Variants in NPIPB11 observed in about 807,000 individuals in gnomAD.
NPIPB11 encodes the protein nuclear pore complex interacting protein family member B11.
A neutral mutation model predicts 32.8 loss-of-function variants in NPIPB11; 17 were observed. The ratio of observed to expected loss-of-function variants is 0.52; its 90% CI spans 0.35 to 0.78. The LOEUF is 0.78. Among genes scored for constraint, NPIPB11 ranks in the 30% least tolerant of loss-of-function variants. The pLI, the probability that NPIPB11 is intolerant of heterozygous loss-of-function variation, is 0.01. For synonymous variants in NPIPB11, 209 were observed against 398.4 expected (o/e 0.52, Z 5.66); for missense variants, 537 against 1,000.4 (o/e 0.54, Z 6.25).
exon 8 of NPIPB11, chr16:29,382,211 G>C (rs1322437327): frequency 6.4e-7 from 1 of 1,551,008 alleles, no homozygotes; most frequent in Non-Finnish European, 8.6e-7. Context: ...AGGGTGGAAG[G>C]GGAGTGAGCT....
At chr16:29,405,637 C>G (rs940875241), upstream of NPIPB11, among the ~76,000 whole-genome samples, 1 of 152,120 alleles carries the variant, frequency 6.6e-6, no homozygotes, top group African/African-American at 2.4e-5. Context: ...GACCTTGCAT[C>G]CAATCAATGC....
chr16:29,399,081 C>T (rs1206655312), intron 2 of NPIPB11, among the ~76,000 whole-genome samples: 2 of 150,684 alleles, frequency 1.3e-5, no homozygotes, highest in African/African-American at 2.4e-5. Flanking sequence ...ACCCAGAGGG[C>T]TTGGCAGCAT....
chr16:29,405,968 GTAAGTT>G (rs1336598482), upstream of NPIPB11, among the ~76,000 whole-genome samples: 8 of 152,264 alleles, frequency 5.3e-5, no homozygotes, highest in African/African-American at 1.9e-4. Flanking sequence ...TTATATCCAT[GTAAGTT>G]TCTGTATTGC....
intron 2 of NPIPB11, chr16:29,397,501 T>C: frequency 6.9e-7 from 1 of 1,454,726 alleles, no homozygotes; most frequent in Non-Finnish European, 9.2e-7. Flanking sequence ...CTGAGCTGTG[T>C]AATTTCATGC....
intron 3 of NPIPB11, among the ~76,000 whole-genome samples, chr16:29,391,016 C>T (rs1358646187): frequency 6.6e-6 from 1 of 150,964 alleles, no homozygotes; most frequent in Non-Finnish European, 1.5e-5. Context: ...TGCCTGTAAT[C>T]CCAACACTTT....
At chr16:29,405,228 GA>G (rs1290808586), upstream of NPIPB11, among the ~76,000 whole-genome samples, 1 of 151,886 alleles carries the variant, frequency 6.6e-6, no homozygotes, top group Non-Finnish European at 1.5e-5. Flanking sequence ...AAATATGCAA[GA>G]AAAATCGATA....
At chr16:29,394,055 G>A (rs1567273086) in exon 3 of NPIPB11, 2 of 1,598,956 alleles carry the variant, frequency 1.3e-6, no homozygotes, top group Admixed American at 1.7e-5. Flanking sequence ...CGATGATGAT[G>A]GTCAGCCAGA....
chr16:29,382,997 C>T (rs777382221), exon 8 of NPIPB11: 12 of 1,603,236 alleles, frequency 7.5e-6, no homozygotes, highest in East Asian at 6.8e-5. Context: ...AGCTGACGCT[C>T]GGAAGGTGTC....
At chr16:29,391,852 C>G (rs1963730602) in intron 3 of NPIPB11, among the ~76,000 whole-genome samples, 1 of 151,954 alleles carries the variant, frequency 6.6e-6, no homozygotes, top group East Asian at 1.9e-4. Flanking sequence ...TCCCAAGTAG[C>G]TGGGATTACA....
rs1408781847 is a variant in NPIPB11, at chr16:29,397,527, A to T, written c.121-3451T>A. 4 of 1,501,088 alleles carry T rather than the reference A, an allele frequency of 2.7e-6. No homozygotes were observed. The African/African-American group carries it at 5.6e-5, about 21-fold the overall frequency. 93.0% of individuals were successfully genotyped at this position (1,501,088 alleles called of 1,614,324 possible). A position where few individuals can be genotyped will look rare whatever the true frequency, so the allele number is the denominator to read the frequency against. ...AATTTCATGCCGCGTGACACAGCCC[A>T]GTAAAAAGGAAGAAACCCCGAGGGT... On this transcript the variant is annotated intron_variant, in intron 2 of 7. Transcript: ENST00000524087.
At chr16:29,404,817 GTTCC>G (rs1964077547), upstream of NPIPB11, among the ~76,000 whole-genome samples, 2 of 142,296 alleles carry the variant, frequency 1.4e-5, no homozygotes, top group African/African-American at 5.3e-5. Flanking sequence ...GAGGATCATT[GTTCC>G]TTCCTTCTCG....
exon 8 of NPIPB11, chr16:29,382,313 T>G (rs79374175): frequency 3.8e-6 from 6 of 1,578,596 alleles, no homozygotes; most frequent in South Asian, 1.1e-5. Flanking sequence ...GGTGTCTTGA[T>G]ATTATCATCT....
chr16:29,401,189 G>A (rs186522599), intron 2 of NPIPB11, among the ~76,000 whole-genome samples: 3 of 152,226 alleles, frequency 2.0e-5, no homozygotes, highest in Middle Eastern at 3.4e-3. Context: ...TCTTGAACCT[G>A]TGCAATCTGA....
At chr16:29,402,579 C>G (rs1964016967) in intron 2 of NPIPB11, among the ~76,000 whole-genome samples, 1 of 101,102 alleles carries the variant, frequency 9.9e-6, no homozygotes, top group African/African-American at 5.5e-5. Flanking sequence ...GTGCACACAC[C>G]TGTAGTCCCA....
intron 5 of NPIPB11, among the ~76,000 whole-genome samples, chr16:29,389,669 A>AAAG (rs1963662647): frequency 3.3e-5 from 1 of 30,460 alleles, no homozygotes; most frequent in Admixed American, 3.3e-4. Context: ...CCATCTCAGG[A>AAAG]AAAAAAAAAA....
chr16:29,406,494 G>C (rs1458646068), upstream of NPIPB11, among the ~76,000 whole-genome samples: 1 of 152,202 alleles, frequency 6.6e-6, no homozygotes, highest in Non-Finnish European at 1.5e-5. Flanking sequence ...AAGGCAGGTG[G>C]ATCACCTGAG....
chr16:29,382,162 C>G, exon 8 of NPIPB11: 2 of 497,688 alleles, frequency 4.0e-6, no homozygotes, highest in South Asian at 4.1e-5. Context: ...AGACGCTCGG[C>G]AGGTGTCTTG....
Position 29,383,105 on chromosome 16 carries a change from G to C in NPIPB11, c.1827C>G (p.Pro609=), listed in dbSNP as rs768513054. 6 of 1,596,926 alleles carry C rather than the reference G, an allele frequency of 3.8e-6. No individual in the cohort carries two copies. In the African/African-American group the frequency reaches 8.3e-5, roughly 22 times the overall value. ...GCTGAGGGTGGAGCTGAGGGTGGAA[G>C]GGGAGTGAGCTGACGCTCGGAAGGT... Residue 609 remains proline, a synonymous_variant, in exon 8 of 8, where the codon CCC becomes CCG. Transcript: ENST00000524087.
At chr16:29,394,221 A>G (rs1294873112) in intron 2 of NPIPB11, 145 bp from the exon 3 acceptor site, 4 of 1,052,576 alleles carry the variant, frequency 3.8e-6, no homozygotes, top group Non-Finnish European at 5.4e-6. Flanking sequence ...ACTGCTACAA[A>G]AAAGAACAGA....
Sources: gnomAD v4.1 joint callset for allele counts (sites outside exome capture counted in the v4.1 genomes callset) on GRCh38, gnomAD v4.1.1 for gene constraint, MANE v1.5 for transcripts, NCBI Gene and HGNC (gene_info 2026-07-23, HGNC 2026-07-21) for gene names.